IMMP2L: variants seen among roughly 807,000 people sequenced by gnomAD.
The protein encoded by IMMP2L is inner mitochondrial membrane peptidase subunit 2, also known as mitochondrial inner membrane protease subunit 2.
In IMMP2L, 18 loss-of-function variants were observed where a neutral mutation model predicts 19.3. That is an observed-to-expected ratio of 0.93 (90% CI 0.64 to 1.38). The LOEUF (loss-of-function observed/expected upper bound fraction) is 1.38, where lower values mean the gene tolerates loss of function less well. Ranked by LOEUF, IMMP2L falls within the 40% of genes most tolerant of loss-of-function variation. The pLI, the probability that IMMP2L is intolerant of heterozygous loss-of-function variation, is 0.00. For synonymous variants in IMMP2L, 76 were observed against 73.0 expected (o/e 1.04, Z -0.21); for missense variants, 233 against 218.2 (o/e 1.07, Z -0.43).
At chr7:110,793,041 A>G (rs1800578213) in intron 5 of IMMP2L, among the ~76,000 whole-genome samples, 1 of 152,114 alleles carries the variant, frequency 6.6e-6, no homozygotes, top group Non-Finnish European at 1.5e-5. Flanking sequence ...ATACATAGAA[A>G]CAGAGAGAAG....
chr7:111,185,853 T>C (rs538264053), intron 3 of IMMP2L, among the ~76,000 whole-genome samples: 1 of 152,132 alleles, frequency 6.6e-6, no homozygotes, highest in East Asian at 1.9e-4. Flanking sequence ...TAGGGAAATA[T>C]GCTTTATTTT....
chr7:110,783,303 A>C (rs566505131), intron 5 of IMMP2L, among the ~76,000 whole-genome samples: 1 of 151,946 alleles, frequency 6.6e-6, no homozygotes, highest in African/African-American at 2.4e-5. Flanking sequence ...TTTATCAAGT[A>C]GGTACCAACA....
intron 3 of IMMP2L, among the ~76,000 whole-genome samples, chr7:111,229,132 G>A (rs538250209): frequency 7.1e-4 from 108 of 151,878 alleles, no homozygotes; most frequent in Middle Eastern, 3.4e-3. Flanking sequence ...CCAGTTCTAC[G>A]CGGTTGCCTT....
At chr7:111,122,973 G>A in intron 3 of IMMP2L, 1 of 1,613,988 alleles carries the variant, frequency 6.2e-7, no homozygotes, top group South Asian at 1.1e-5. Flanking sequence ...CAGCCAGATT[G>A]CCAGCTAACA....
At chr7:111,166,521 T>C (rs1805836602) in intron 3 of IMMP2L, among the ~76,000 whole-genome samples, 1 of 152,032 alleles carries the variant, frequency 6.6e-6, no homozygotes, top group Non-Finnish European at 1.5e-5. Context: ...GTGGCCTCCA[T>C]TACCCTAAGG....
In IMMP2L at chr7:111,558,815, C is replaced by A. The variant is rs183307496; in HGVS notation, c.-3+3036G>T. 3.9e-3 allele frequency among the ~76,000 whole-genome samples: 592 copies of A among 152,258 alleles called. 4 individuals are homozygous for A. Among genetic ancestry groups the A allele is most frequent in the Non-Finnish European group, 6.2e-3 (422 of 68,022 alleles). On this transcript the variant is annotated intron_variant, in intron 1 of 5. Coordinates refer to ENST00000405709, the MANE Select transcript of IMMP2L (RefSeq NM_032549.4). ...TTTCCTGGGGTTCTGATCTGGAAAT[C>A]TAAATGCTATTTATTCCTATAAGTA...
At chr7:111,163,014 C>T (rs1300146679) in intron 3 of IMMP2L, among the ~76,000 whole-genome samples, 1 of 152,064 alleles carries the variant, frequency 6.6e-6, no homozygotes, top group Admixed American at 6.6e-5. Context: ...GCCCCTGAAC[C>T]CTGCTCTTAT....
intron 3 of IMMP2L, among the ~76,000 whole-genome samples, chr7:111,091,869 A>C (rs1380588916): frequency 6.6e-6 from 1 of 151,922 alleles, no homozygotes; most frequent in Non-Finnish European, 1.5e-5. Flanking sequence ...GGAAGAGAGA[A>C]GACAGAGAGG....
At chr7:111,344,722 G>A (rs763541532) in intron 3 of IMMP2L, among the ~76,000 whole-genome samples, 12 of 152,202 alleles carry the variant, frequency 7.9e-5, no homozygotes, top group Admixed American at 3.9e-4. Context: ...GAACACTACC[G>A]TTCATACATA....
At chr7:110,724,109 C>T (rs769168690) in intron 5 of IMMP2L, 1 of 152,138 alleles carries the variant, frequency 6.6e-6, no homozygotes, top group Non-Finnish European at 1.5e-5. Context: ...TATTGTAGAA[C>T]ATTTGGGACA....
At chr7:111,551,765 C>A (rs1790681271) in intron 1 of IMMP2L, among the ~76,000 whole-genome samples, 1 of 151,960 alleles carries the variant, frequency 6.6e-6, no homozygotes, top group African/African-American at 2.4e-5. Flanking sequence ...CGAGTTCTGC[C>A]AGCAGTCCAG....
chr7:111,181,205 C>T (rs948371882), intron 3 of IMMP2L, among the ~76,000 whole-genome samples: 9 of 152,038 alleles, frequency 5.9e-5, no homozygotes, highest in African/African-American at 2.2e-4. Context: ...CATCACTGAG[C>T]CTAATTTCCT....
rs1177925540 is a variant in IMMP2L, at chr7:110,877,920, A to G, written c.408+8673T>C. ...TTATACTCTAAAAATAAAAAACAAA[A>G]AACAAAAAGCACAATGGATTGATTC... On this transcript the variant is annotated intron_variant, in intron 5 of 5. Coordinates refer to ENST00000405709, the MANE Select transcript of IMMP2L (RefSeq NM_032549.4). This position sits in a 1 kb window ranked among gnomAD's most constrained non-coding sequence, Gnocchi z 4.0. Among the ~76,000 whole-genome samples, 1 of 152,164 alleles carries G rather than the reference A, an allele frequency of 6.6e-6. No homozygotes were observed. The highest frequency in any genetic ancestry group is 1.5e-5 in the Non-Finnish European group (1 of 68,022).
At chr7:111,315,456 G>A (rs1823960231) in intron 3 of IMMP2L, among the ~76,000 whole-genome samples, 1 of 151,724 alleles carries the variant, frequency 6.6e-6, no homozygotes, top group African/African-American at 2.4e-5. Context: ...TAAATAAAGT[G>A]AAGACAGAAA....
chr7:111,466,744 A>C (rs191374229), intron 3 of IMMP2L, among the ~76,000 whole-genome samples: 1 of 152,298 alleles, frequency 6.6e-6, no homozygotes, highest in East Asian at 1.9e-4. Flanking sequence ...CAGATCAAAC[A>C]TATTTGGGAA....
chr7:110,847,468 A>T (rs542340009), intron 5 of IMMP2L, among the ~76,000 whole-genome samples: 1 of 152,334 alleles, frequency 6.6e-6, no homozygotes, highest in Non-Finnish European at 1.5e-5. Flanking sequence ...AAAGTAAAAT[A>T]GCATTACTTT....
chr7:110,856,856 G>T (rs572092339), intron 5 of IMMP2L, among the ~76,000 whole-genome samples: 1 of 152,040 alleles, frequency 6.6e-6, no homozygotes, highest in Non-Finnish European at 1.5e-5. Context: ...AACAGCAGTG[G>T]TCTTAAGAGG....
chr7:111,506,333 C>A (rs1222648345), intron 2 of IMMP2L, among the ~76,000 whole-genome samples: 1 of 152,090 alleles, frequency 6.6e-6, no homozygotes, highest in Non-Finnish European at 1.5e-5. Flanking sequence ...TAATTCAACA[C>A]CCTTAAAATG....
intron 3 of IMMP2L, among the ~76,000 whole-genome samples, chr7:111,168,254 G>GT (rs1340684598): frequency 5.3e-5 from 8 of 151,632 alleles, no homozygotes; most frequent in Admixed American, 4.0e-4. Flanking sequence ...ATTTGTGATT[G>GT]TTTTTTACTT....
Sources: allele counts gnomAD v4.1 joint callset (sites outside exome capture counted in the v4.1 genomes callset), GRCh38; gene constraint gnomAD v4.1.1; non-coding constraint Gnocchi (gnomAD v3.1); transcripts MANE v1.5; gene names NCBI Gene and HGNC (gene_info 2026-07-23, HGNC 2026-07-21).